The following MYT1L variants were observed in gnomAD, a reference collection of about 807,000 sequenced individuals.
MYT1L encodes myelin transcription factor 1 like, also known as myelin transcription factor 1-like protein.
Under a neutral mutation model 126.7 loss-of-function variants are expected in MYT1L, and 12 were observed. The ratio of observed to expected loss-of-function variants is 0.09; its 90% confidence interval spans 0.06 to 0.15. The LOEUF (loss-of-function observed/expected upper bound fraction) is 0.15. Ranked by LOEUF, MYT1L falls within the 10% of genes least tolerant of loss-of-function variation. The pLI is 1.00. For missense variants in MYT1L, 979 were observed against 1,585.2 expected, an observed-to-expected ratio of 0.62 and a Z score of 6.49; for synonymous variants, 541 against 604.2, an observed-to-expected ratio of 0.90 and a Z score of 1.53.
chr2:2,216,158 G>C (rs1176390148), intron 2 of MYT1L, among the ~76,000 whole-genome samples: 1 of 152,080 alleles, frequency 6.6e-6, no homozygotes, highest in Non-Finnish European at 1.5e-5. Flanking sequence ...CTGCAGAACT[G>C]TGAGCCAATT....
At chr2:2,061,870 T>C (rs1253532852) in intron 3 of MYT1L, among the ~76,000 whole-genome samples, 2 of 152,204 alleles carry the variant, frequency 1.3e-5, no homozygotes, top group African/African-American at 2.4e-5. Context: ...ATAATACCTC[T>C]ACATGGCTGA....
At chr2:2,278,797 T>C (rs73914912) in intron 2 of MYT1L, among the ~76,000 whole-genome samples, 1 of 152,202 alleles carries the variant, frequency 6.6e-6, no homozygotes, top group Non-Finnish European at 1.5e-5. Context: ...TTTCTTCTTA[T>C]GGGAAACAGT....
intron 2 of MYT1L, among the ~76,000 whole-genome samples, chr2:2,269,106 G>A (rs1184978122): frequency 2.6e-5 from 4 of 152,162 alleles, no homozygotes; most frequent in African/African-American, 7.2e-5. Context: ...TCAGTGATCA[G>A]GGCCTCCCAA....
intron 3 of MYT1L, among the ~76,000 whole-genome samples, chr2:2,152,546 A>G (rs2085981308): frequency 6.6e-6 from 1 of 152,112 alleles, no homozygotes; most frequent in African/African-American, 2.4e-5. Context: ...GCAGGAGACG[A>G]TTACATGGTT....
At chr2:1,907,137 A>T (rs1163002514) in intron 13 of MYT1L, among the ~76,000 whole-genome samples, 2 of 150,818 alleles carry the variant, frequency 1.3e-5, no homozygotes, top group African/African-American at 4.9e-5. Context: ...TAATTAAAAA[A>T]AAAAAACAAA....
intron 3 of MYT1L, among the ~76,000 whole-genome samples, chr2:2,069,070 CATTTT>C (rs889815901): frequency 1.3e-5 from 2 of 151,768 alleles, no homozygotes; most frequent in African/African-American, 4.8e-5. Flanking sequence ...ATTTGGGCAA[CATTTT>C]TTTTTCTTTT....
chr2:2,316,585 G>C (rs994613153), intron 1 of MYT1L, among the ~76,000 whole-genome samples: 11 of 152,194 alleles, frequency 7.2e-5, no homozygotes, highest in Non-Finnish European at 2.9e-5. Flanking sequence ...AGGGTGGTTC[G>C]AGAGAAACCA....
chr2:1,851,614 G>A (rs767622351), intron 19 of MYT1L, 27 bp downstream of exon 19: 2 of 1,603,984 alleles, frequency 1.2e-6, no homozygotes, highest in African/African-American at 1.3e-5. Context: ...AGAGCATTTT[G>A]GAGAGAAGAG....
At chr2:2,064,364 T>C (rs527667848) in intron 3 of MYT1L, among the ~76,000 whole-genome samples, 1 of 152,254 alleles carries the variant, frequency 6.6e-6, no homozygotes, top group East Asian at 1.9e-4. Flanking sequence ...ACAGTAAGGT[T>C]TGATGATTTC....
At chr2:2,237,367 C>T (rs943532426) in intron 2 of MYT1L, among the ~76,000 whole-genome samples, 2 of 152,072 alleles carry the variant, frequency 1.3e-5, no homozygotes, top group Non-Finnish European at 2.9e-5. Context: ...CAAGTTGAAA[C>T]CAGGGCAGGA....
At chr2:1,914,233 G>A (rs1046455276) in intron 11 of MYT1L, among the ~76,000 whole-genome samples, 5 of 151,666 alleles carry the variant, frequency 3.3e-5, no homozygotes, top group Non-Finnish European at 7.4e-5. Flanking sequence ...CAGCCTGGGC[G>A]ACAGAGCGAG....
rs115690048 is a variant in MYT1L at position 1,848,542 on chromosome 2, T to C, written c.2774+3099A>G. On this transcript the variant is annotated intron_variant, in intron 19 of 24. Coordinates refer to ENST00000647738, the MANE Select transcript of MYT1L (RefSeq NM_001303052.2). The surrounding 1 kb of genome is among the most constrained non-coding windows in gnomAD (Gnocchi z 4.8). The stretch of plus-strand genomic sequence containing the variant: ...ATAACTGAGGGAAAAAGAAGGCCAG[T>C]GAATCATCGTCTAAGTGGCGTTTGC... Among the ~76,000 whole-genome samples the C allele has an allele frequency of 5.9e-3, 892 of 152,296 alleles. 13 individuals are homozygous for C. The highest frequency in any genetic ancestry group is 0.021 in the African/African-American group (852 of 41,552).
chr2:1,968,840 A>G (rs754731634), intron 8 of MYT1L, among the ~76,000 whole-genome samples: 1 of 152,094 alleles, frequency 6.6e-6, no homozygotes, highest in Non-Finnish European at 1.5e-5. Flanking sequence ...CATCCTGTCC[A>G]CTGGGGATAT....
intron 1 of MYT1L, chr2:2,326,446 C>A (rs1440335422): frequency 2.0e-5 from 3 of 152,294 alleles, no homozygotes; most frequent in Non-Finnish European, 4.4e-5. Flanking sequence ...CCCTTCCCAT[C>A]GAGCCCTGCT....
intron 8 of MYT1L, among the ~76,000 whole-genome samples, chr2:1,956,335 AT>A (rs764121842): frequency 3.5e-5 from 5 of 144,024 alleles, no homozygotes; most frequent in Non-Finnish European, 6.0e-5. Flanking sequence ...GTCCTATTCT[AT>A]ATTTCCTATT....
chr2:1,889,576 C>T lies in MYT1L; in HGVS notation c.2284-99G>A, dbSNP rs1179976518. 15 of 944,576 alleles carry T rather than the reference C, an allele frequency of 1.6e-5. No homozygotes were observed. The highest frequency in any genetic ancestry group is 1.7e-5 in the Non-Finnish European group (11 of 646,790). The allele number at this position is 944,576 out of a possible 1,614,324, so 58.5% of individuals were successfully genotyped here. A position where few individuals can be genotyped will look rare whatever the true frequency, so the allele number is the denominator to read the frequency against. On this transcript the variant is annotated intron_variant, in intron 15 of 24. Transcript: ENST00000647738. This position sits in a 1 kb window ranked among gnomAD's most constrained non-coding sequence, Gnocchi z 4.1. ...ACAGTCCTGCCGTCAGCCAGTGTAG[C>T]GTTCAACACAGAATCCCTCGCTGCT...
chr2:2,282,148 G>A (rs995694625), intron 2 of MYT1L, among the ~76,000 whole-genome samples: 22 of 152,154 alleles, frequency 1.4e-4, no homozygotes, highest in African/African-American at 3.4e-4. Flanking sequence ...CAATATAAGC[G>A]TGGATTCTGC....
chr2:2,008,396 T>G (rs1479402269), intron 4 of MYT1L, among the ~76,000 whole-genome samples: 1 of 152,194 alleles, frequency 6.6e-6, no homozygotes, highest in African/African-American at 2.4e-5. Flanking sequence ...GGCCAGGAGG[T>G]TACAATGATG....
In MYT1L at chr2:1,998,589, T is replaced by C. The variant is rs2062079058; in HGVS notation, c.-157-1242A>G. Reference sequence around the variant, plus strand: ...CAGTTAATAAGGGATGGAGCATGTATGTCTTGTCAAGAACATAATGGTAGA... The same window carrying C: ...CAGTTAATAAGGGATGGAGCATGTACGTCTTGTCAAGAACATAATGGTAGA... On this transcript the variant is annotated intron_variant, in intron 4 of 24. Coordinates refer to ENST00000647738, the MANE Select transcript of MYT1L (RefSeq NM_001303052.2). Among the ~76,000 whole-genome samples, 5 of 152,308 alleles carry C rather than the reference T, an allele frequency of 3.3e-5. No homozygotes were observed. In the South Asian group the frequency reaches 6.2e-4, roughly 19 times the overall value.
Sources: gnomAD v4.1 joint callset for allele counts (sites outside exome capture counted in the v4.1 genomes callset) on GRCh38, gnomAD v4.1.1 for gene constraint, Gnocchi (gnomAD v3.1) non-coding constraint, MANE v1.5 for transcripts, NCBI Gene and HGNC (gene_info 2026-07-23, HGNC 2026-07-21) for gene names.